Variants in PTBP2 observed in about 807,000 individuals in gnomAD.
The protein encoded by PTBP2 is polypyrimidine tract binding protein 2.
In PTBP2, 13 loss-of-function variants were observed where a neutral mutation model predicts 61.4. That is an observed-to-expected ratio of 0.21 (90% CI 0.14 to 0.34). The LOEUF is 0.34. Among genes scored for constraint, PTBP2 ranks in the 10% least tolerant of loss-of-function variants. The pLI is 1.00. For synonymous variants in PTBP2, 215 were observed against 218.5 expected, an observed-to-expected ratio of 0.98 and a Z score of 0.14; for missense variants, 405 against 642.6, an observed-to-expected ratio of 0.63 and a Z score of 4.00.
chr1:96,790,415 CT>C (rs1553184495), intron 8 of PTBP2, among the ~76,000 whole-genome samples: 1 of 151,810 alleles, frequency 6.6e-6, no homozygotes, highest in Non-Finnish European at 1.5e-5. Context: ...CCTTTCGTTA[CT>C]TTTTTTTCTA....
At chr1:96,775,719 G>A (rs2101035289) in intron 5 of PTBP2, among the ~76,000 whole-genome samples, 1 of 152,030 alleles carries the variant, frequency 6.6e-6, no homozygotes, top group Non-Finnish European at 1.5e-5. Flanking sequence ...TTGATAAGAA[G>A]TTTTATTAAA....
At chr1:96,762,282 C>A (rs1300597145) in intron 3 of PTBP2, among the ~76,000 whole-genome samples, 1 of 149,124 alleles carries the variant, frequency 6.7e-6, no homozygotes, top group Non-Finnish European at 1.5e-5. Context: ...GGCAGAGGGG[C>A]TCCTCACTTC....
At chr1:96,760,950 A>G (rs1362887369) in intron 3 of PTBP2, among the ~76,000 whole-genome samples, 1 of 152,234 alleles carries the variant, frequency 6.6e-6, no homozygotes, top group Non-Finnish European at 1.5e-5. Flanking sequence ...CATATAGTAT[A>G]TTACTACTTA....
chr1:96,784,241 T>C (rs1658985260), intron 7 of PTBP2, among the ~76,000 whole-genome samples: 1 of 152,022 alleles, frequency 6.6e-6, no homozygotes. Context: ...GGTAACATAG[T>C]CCTTTATAAT....
chr1:96,728,335 C>G (rs949383554), intron 2 of PTBP2, among the ~76,000 whole-genome samples: 4 of 152,150 alleles, frequency 2.6e-5, no homozygotes, highest in Admixed American at 6.5e-5. Flanking sequence ...ACATTTGGGT[C>G]TCTTTCATTT....
chr1:96,807,285 A>G (rs1220322739), intron 11 of PTBP2, among the ~76,000 whole-genome samples: 4 of 152,192 alleles, frequency 2.6e-5, no homozygotes, highest in South Asian at 4.1e-4. Context: ...AATAGAGGCT[A>G]ACTGTTCATA....
intron 2 of PTBP2, among the ~76,000 whole-genome samples, chr1:96,734,112 G>T (rs1651815081): frequency 6.6e-6 from 1 of 152,016 alleles, no homozygotes. Flanking sequence ...ATTTTTTTGA[G>T]CAGTACTTCT....
Position 96,804,858 on chromosome 1 carries a change from AGCT to A in PTBP2, c.971_973del (p.Ala324del), listed in dbSNP as rs1661352894. Reference sequence around the variant, plus strand: ...CAAATGCTGCTGCAGCAGCTGCTGCAGCTGCTGCTGGCCGAGTGGGTATGCCTG... The same window carrying A: ...CAAATGCTGCTGCAGCAGCTGCTGCAGCTGCTGGCCGAGTGGGTATGCCTG... On this transcript the variant is annotated inframe_deletion, in exon 9 of 14. Transcript: ENST00000674951. 1 of 1,612,008 alleles carries A rather than the reference AGCT, an allele frequency of 6.2e-7. No homozygotes were observed. The highest frequency in any genetic ancestry group is 8.5e-7 in the Non-Finnish European group (1 of 1,178,712).
chr1:96,806,599 A>C, intron 10 of PTBP2, 147 bp downstream of exon 10: 1 of 923,302 alleles, frequency 1.1e-6, no homozygotes, highest in Non-Finnish European at 1.6e-6. Flanking sequence ...CATAGACACA[A>C]AATTTGTTTT....
At chr1:96,759,678 C>T (rs1409099136) in intron 3 of PTBP2, among the ~76,000 whole-genome samples, 1 of 151,948 alleles carries the variant, frequency 6.6e-6, no homozygotes, top group Non-Finnish European at 1.5e-5. Context: ...AAACTTGACT[C>T]CATCAAAATG....
intron 2 of PTBP2, among the ~76,000 whole-genome samples, chr1:96,750,753 A>G (rs557527717): frequency 6.6e-6 from 1 of 152,132 alleles, no homozygotes; most frequent in East Asian, 1.9e-4. Context: ...AGCTAGTTTA[A>G]ATATTAGTCC....
In PTBP2 at chr1:96,777,901, T is replaced by A. The variant is rs1266892633; in HGVS notation, c.663T>A (p.Ala221=). 6.3e-7 allele frequency: 1 copy of A among 1,593,952 alleles called. No homozygotes were observed. Among genetic ancestry groups the A allele is most frequent in the African/African-American group, 1.3e-5 (1 of 74,590 alleles). ...ITFTKNNQFQ[A]LLQYGDPVNA... is the part of the protein sequence containing the mutation. ...TTACAAAAAATAACCAGTTTCAAGCTTTGCTCCAGTATGGTGATCCAGTAA... is the reference window on the plus strand; with the variant it reads ...TTACAAAAAATAACCAGTTTCAAGCATTGCTCCAGTATGGTGATCCAGTAA... Residue 221 remains alanine, a synonymous_variant, in exon 7 of 14, where the codon GCT becomes GCA. Transcript: ENST00000674951.
chr1:96,728,044 C>T (rs148230698), intron 2 of PTBP2, among the ~76,000 whole-genome samples: 1 of 152,152 alleles, frequency 6.6e-6, no homozygotes, highest in African/African-American at 2.4e-5. Context: ...AGCTGGAGTG[C>T]AGTGGTGCAA....
At chr1:96,770,384 C>T (rs1245779140) in intron 4 of PTBP2, among the ~76,000 whole-genome samples, 2 of 151,976 alleles carry the variant, frequency 1.3e-5, no homozygotes, top group African/African-American at 2.4e-5. Flanking sequence ...GGAAATCTTA[C>T]ATTCTCTAGG....
At chr1:96,722,003 C>A in intron 1 of PTBP2, 131 bp downstream of exon 1, 1 of 1,196,500 alleles carries the variant, frequency 8.4e-7, no homozygotes, top group Non-Finnish European at 1.2e-6. Context: ...CAACCCCCGC[C>A]CCATCGCACA....
intron 3 of PTBP2, among the ~76,000 whole-genome samples, chr1:96,758,716 C>T (rs573648288): frequency 1.2e-3 from 179 of 152,152 alleles, no homozygotes; most frequent in African/African-American, 4.1e-3. Context: ...AAATTTCATA[C>T]TTAATGGAGA....
chr1:96,746,488 T>G (rs1653781779), intron 2 of PTBP2, among the ~76,000 whole-genome samples: 1 of 152,152 alleles, frequency 6.6e-6, no homozygotes, highest in Non-Finnish European at 1.5e-5. Flanking sequence ...GTTAAATGCC[T>G]ATTTGTGTTT....
intron 3 of PTBP2, among the ~76,000 whole-genome samples, chr1:96,757,968 T>TA (rs1385465148): frequency 6.6e-6 from 1 of 151,954 alleles, no homozygotes; most frequent in Non-Finnish European, 1.5e-5. Context: ...ACTCCCAATT[T>TA]AAGACTGACC....
chr1:96,722,331 A>C (rs1478392584), intron 1 of PTBP2, among the ~76,000 whole-genome samples: 1 of 151,944 alleles, frequency 6.6e-6, no homozygotes, highest in South Asian at 2.1e-4. Flanking sequence ...GAGGCACCCC[A>C]TGTGGACCCC....
Sources: gnomAD v4.1 joint callset for allele counts (sites outside exome capture counted in the v4.1 genomes callset) on GRCh38, gnomAD v4.1.1 for gene constraint, MANE v1.5 for transcripts, NCBI Gene and HGNC (gene_info 2026-07-23, HGNC 2026-07-21) for gene names.